The following MRTFA variants were observed in gnomAD, a reference collection of about 807,000 sequenced individuals.
The protein encoded by MRTFA is myocardin-related transcription factor A.
A neutral mutation model predicts 83.5 loss-of-function variants in MRTFA; 20 were observed. The ratio of observed to expected loss-of-function variants is 0.24; its 90% CI spans 0.17 to 0.35. MRTFA has a LOEUF of 0.35. Among genes scored for constraint, MRTFA ranks in the 10% least tolerant of loss-of-function variants. MRTFA has a pLI of 1.00. For synonymous variants in MRTFA, 659 were observed against 541.2 expected, an observed-to-expected ratio of 1.22 and a Z score of -3.02; for missense variants, 1,200 against 1,224.7, an observed-to-expected ratio of 0.98 and a Z score of 0.30.
chr22:40,421,984 A>T (rs1329020862), intron 9 of MRTFA, among the ~76,000 whole-genome samples: 2 of 152,228 alleles, frequency 1.3e-5, no homozygotes, highest in Non-Finnish European at 2.9e-5. Flanking sequence ...AAGTGATCAC[A>T]GAAGAGGTTC....
At chr22:40,527,438 C>T (rs573818012) in intron 3 of MRTFA, among the ~76,000 whole-genome samples, 1 of 150,634 alleles carries the variant, frequency 6.6e-6, no homozygotes, top group South Asian at 2.1e-4. Flanking sequence ...TTTTCCTTGT[C>T]GTTATAAAGA....
At chr22:40,573,246 T>C (rs1490858042) in intron 2 of MRTFA, among the ~76,000 whole-genome samples, 1 of 152,140 alleles carries the variant, frequency 6.6e-6, no homozygotes, top group African/African-American at 2.4e-5. Flanking sequence ...GTATTTTTGG[T>C]CTTTTTTTTG....
At chr22:40,636,346 G>C (rs1039285493) in intron 1 of MRTFA, 132 bp downstream of exon 1, 1 of 152,384 alleles carries the variant, frequency 6.6e-6, no homozygotes, top group Non-Finnish European at 1.5e-5. Context: ...GCAAGAAGAG[G>C]GCAGGGGACG....
At chr22:40,615,404 T>C (rs2056436934) in intron 1 of MRTFA, among the ~76,000 whole-genome samples, 1 of 152,228 alleles carries the variant, frequency 6.6e-6, no homozygotes, top group Admixed American at 6.5e-5. Flanking sequence ...TGAAATCAAG[T>C]AATTTTGTTT....
chr22:40,528,809 CAGCCTAGGATGGCTTG>C (rs2147272105), intron 3 of MRTFA, among the ~76,000 whole-genome samples: 1 of 151,424 alleles, frequency 6.6e-6, no homozygotes, highest in Non-Finnish European at 1.5e-5. Flanking sequence ...GCCCATCCTG[CAGCCTAGGATGGCTTG>C]AATGTGGCCC....
chr22:40,562,614 G>C (rs1194167078), intron 2 of MRTFA, among the ~76,000 whole-genome samples: 1 of 98,168 alleles, frequency 1.0e-5, no homozygotes, highest in Non-Finnish European at 2.2e-5. Context: ...GAAGGGGTAA[G>C]GGGGGAGGGA....
At chr22:40,441,642 C>A (rs970612578) in intron 4 of MRTFA, among the ~76,000 whole-genome samples, 2 of 152,014 alleles carry the variant, frequency 1.3e-5, no homozygotes, top group African/African-American at 4.8e-5. Flanking sequence ...CAAAAATTAG[C>A]TGGGCGTGGT....
intron 3 of MRTFA, among the ~76,000 whole-genome samples, chr22:40,520,705 C>T (rs2054851339): frequency 6.6e-6 from 1 of 152,178 alleles, no homozygotes; most frequent in African/African-American, 2.4e-5. Flanking sequence ...CCACACAAGG[C>T]CAAGGTTCAT....
Position 40,592,748 on chromosome 22 carries a change from C to T in MRTFA, c.-22+1926G>A, listed in dbSNP as rs145947642. 1.7e-3 allele frequency among the ~76,000 whole-genome samples: 252 copies of T among 152,174 alleles called. 1 individual carries two copies. Among genetic ancestry groups the T allele is most frequent in the Non-Finnish European group, 2.4e-3 (166 of 68,014 alleles). Reference sequence around the variant, plus strand: ...ATTCAAGCAATTCATCCACCTCAGCCGCCCAAAGTGCTGGAATTACAGGCA... The same window carrying T: ...ATTCAAGCAATTCATCCACCTCAGCTGCCCAAAGTGCTGGAATTACAGGCA... On this transcript the variant is annotated intron_variant, in intron 2 of 14. Coordinates refer to ENST00000355630, the MANE Select transcript of MRTFA (RefSeq NM_020831.6).
intron 3 of MRTFA, among the ~76,000 whole-genome samples, chr22:40,500,937 G>C (rs1448227293): frequency 1.4e-5 from 2 of 147,040 alleles, no homozygotes; most frequent in Non-Finnish European, 3.0e-5. Flanking sequence ...TGGTGGCCGG[G>C]CAGAGGGGCT....
Position 40,463,284 on chromosome 22 carries a change from G to A in MRTFA, c.244C>T (p.Leu82=), listed in dbSNP as rs762167752. 1.2e-6 allele frequency: 2 copies of A among 1,613,886 alleles called. No individual in the cohort carries two copies. The highest frequency in any genetic ancestry group is 2.2e-5 in the South Asian group (2 of 91,076). ...CGGCGCTGCTGGAGTTTCAACTGTAGCACTGCAGGGCAGCAGAGAGAGAGG... is the reference window on the plus strand; with the variant it reads ...CGGCGCTGCTGGAGTTTCAACTGTAACACTGCAGGGCAGCAGAGAGAGAGG... Residue 82 remains leucine (L), a splice_region_variant and synonymous_variant, in exon 4 of 15, where the codon CTA becomes TTA. Transcript: ENST00000355630.
chr22:40,428,884 C>A (rs144105629), intron 7 of MRTFA, among the ~76,000 whole-genome samples: 1 of 152,126 alleles, frequency 6.6e-6, no homozygotes, highest in East Asian at 1.9e-4. Context: ...GAGCACCGTC[C>A]TCTCCTCCCT....
Position 40,490,557 on chromosome 22 carries a change from C to T in MRTFA, c.242-27271G>A, listed in dbSNP as rs532477850. ...GAGCTTGCAGTGAGCAGGGATTGCG[C>T]CACTGCACTCCAGCCTGGGCGACAG... On this transcript the variant is annotated intron_variant, in intron 3 of 14. Coordinates refer to ENST00000355630, the MANE Select transcript of MRTFA (RefSeq NM_020831.6). Among the ~76,000 whole-genome samples the T allele has an allele frequency of 2.6e-5, 4 of 151,180 alleles. No homozygotes were observed. In the East Asian group the frequency reaches 7.8e-4, roughly 29 times the overall value.
At chr22:40,464,600 G>A (rs1408341532) in intron 3 of MRTFA, among the ~76,000 whole-genome samples, 1 of 152,028 alleles carries the variant, frequency 6.6e-6, no homozygotes, top group Non-Finnish European at 1.5e-5. Flanking sequence ...ACATAATTAA[G>A]TCTTCAGGTG....
intron 1 of MRTFA, among the ~76,000 whole-genome samples, chr22:40,596,977 CA>C (rs926264339): frequency 3.2e-4 from 46 of 142,456 alleles, no homozygotes; most frequent in Non-Finnish European, 2.3e-4. Context: ...GACTCTGTCT[CA>C]AAAAAAAAAA....
chr22:40,548,786 C>T (rs1602415553), intron 3 of MRTFA, among the ~76,000 whole-genome samples: 1 of 151,990 alleles, frequency 6.6e-6, no homozygotes, highest in Admixed American at 6.6e-5. Flanking sequence ...ATTACTTGAA[C>T]CTGGGAGGCG....
At chr22:40,543,232 G>A (rs2055316955) in intron 3 of MRTFA, among the ~76,000 whole-genome samples, 1 of 152,072 alleles carries the variant, frequency 6.6e-6, no homozygotes, top group South Asian at 2.1e-4. Context: ...AAGAAATACT[G>A]TAATTTGGAT....
At chr22:40,629,878 GT>G (rs71785733) in intron 1 of MRTFA, among the ~76,000 whole-genome samples, 15,260 of 151,738 alleles carry the variant, frequency 0.1, 924 homozygotes, top group East Asian at 0.25. Context: ...AAGACAAGGA[GT>G]TTTGAGGTTG....
At chr22:40,525,032 ACTCCTGGCCTCAAGTGATCCGCCCGCC>A (rs1449357941) in intron 3 of MRTFA, among the ~76,000 whole-genome samples, 6 of 151,798 alleles carry the variant, frequency 4.0e-5, no homozygotes, top group Non-Finnish European at 8.8e-5. Flanking sequence ...CTGGTCTTAA[ACTCCTGGCCTCAAGTGATCCGCCCGCC>A]CCAGCCTCCC....
Sources: gnomAD v4.1 joint callset for allele counts (sites outside exome capture counted in the v4.1 genomes callset) on GRCh38, gnomAD v4.1.1 for gene constraint, MANE v1.5 for transcripts, NCBI Gene and HGNC (gene_info 2026-07-23, HGNC 2026-07-21) for gene names.